The following COL26A1 variants were observed in gnomAD, a reference collection of about 807,000 sequenced individuals.
The protein encoded by COL26A1 is collagen alpha-1(XXVI) chain.
Under a neutral mutation model 59.3 loss-of-function variants are expected in COL26A1, and 41 were observed. The observed-to-expected ratio is 0.69, with a 90% CI of 0.54 to 0.90. The LOEUF (loss-of-function observed/expected upper bound fraction) is 0.90. COL26A1 is among the 40% of genes least tolerant of loss of function. The pLI is 0.00. For missense variants in COL26A1, 612 were observed against 602.3 expected, an observed-to-expected ratio of 1.02 and a Z score of -0.17; for synonymous variants, 266 against 256.0, an observed-to-expected ratio of 1.04 and a Z score of -0.37.
intron 2 of COL26A1, among the ~76,000 whole-genome samples, chr7:101,446,734 C>T (rs1433096719): frequency 2.6e-5 from 4 of 151,926 alleles, no homozygotes; most frequent in Non-Finnish European, 5.9e-5. Context: ...ATAATCTCAG[C>T]TACTCCGGAG....
At chr7:101,492,423 G>T (rs539654762) in intron 3 of COL26A1, among the ~76,000 whole-genome samples, 1 of 151,866 alleles carries the variant, frequency 6.6e-6, no homozygotes, top group African/African-American at 2.4e-5. Context: ...CAGGCCGGGC[G>T]CGGTGGCTCA....
chr7:101,441,327 T>G (rs1457478617), intron 2 of COL26A1, among the ~76,000 whole-genome samples: 2 of 152,214 alleles, frequency 1.3e-5, no homozygotes, highest in Non-Finnish European at 2.9e-5. Context: ...TTATATATTT[T>G]TTAAGACAGA....
At chr7:101,472,853 G>A (rs150568183) in intron 3 of COL26A1, among the ~76,000 whole-genome samples, 1 of 151,984 alleles carries the variant, frequency 6.6e-6, no homozygotes, top group African/African-American at 2.4e-5. Context: ...TTGTCTCTGG[G>A]TCTCCTGTTC....
At chr7:101,442,486 A>C (rs1171214523) in intron 2 of COL26A1, among the ~76,000 whole-genome samples, 2 of 152,172 alleles carry the variant, frequency 1.3e-5, no homozygotes, top group African/African-American at 2.4e-5. Flanking sequence ...ATGGCATAGA[A>C]ACATATTTGG....
chr7:101,479,420 T>C (rs1794112217), intron 3 of COL26A1, among the ~76,000 whole-genome samples: 1 of 152,242 alleles, frequency 6.6e-6, no homozygotes, highest in Non-Finnish European at 1.5e-5. Flanking sequence ...TTGACAGTTA[T>C]ATTTCCTCTG....
At position 101,545,441 on chromosome 7, in the gene COL26A1, C is replaced by A; in HGVS notation, c.807C>A (p.Asn269Lys). ...GPAGNPGPSP[N>K]SPQGALYSLQ... Reference sequence around the variant, plus strand: ...CAGGCAACCCAGGCCCCTCACCAAACAGCCCCCAGGGCGCCCTCTACTCCC... The same window carrying A: ...CAGGCAACCCAGGCCCCTCACCAAAAAGCCCCCAGGGCGCCCTCTACTCCC... The change falls in exon 7 of 13, where the codon AAC becomes AAA. Residue 269 changes from asparagine to lysine, a missense_variant. Physicochemically the swap from Asn to Lys is moderately conservative, Grantham distance 94 (BLOSUM62 0). Coordinates refer to ENST00000313669, the MANE Select transcript of COL26A1 (RefSeq NM_001278563.3). 1 of 1,608,560 alleles carries A rather than the reference C, an allele frequency of 6.2e-7. No individual in the cohort carries two copies. The highest frequency in any genetic ancestry group is 8.5e-7 in the Non-Finnish European group (1 of 1,177,964).
intron 1 of COL26A1, among the ~76,000 whole-genome samples, chr7:101,379,800 A>G (rs780863497): frequency 2.0e-5 from 3 of 152,208 alleles, no homozygotes; most frequent in Non-Finnish European, 4.4e-5. Context: ...CACTCCCACC[A>G]GCGCCATAAC....
intron 2 of COL26A1, among the ~76,000 whole-genome samples, chr7:101,426,117 G>T (rs563170921): frequency 6.6e-6 from 1 of 152,086 alleles, no homozygotes; most frequent in Admixed American, 6.6e-5. Flanking sequence ...GAGCTGCTGC[G>T]TCAGGCCAGC....
intron 1 of COL26A1, among the ~76,000 whole-genome samples, chr7:101,404,440 C>A (rs57715150): frequency 8.6e-5 from 13 of 151,916 alleles, no homozygotes; most frequent in East Asian, 1.9e-4. Flanking sequence ...ACCCTCCCCC[C>A]CCAAATGGCT....
chr7:101,445,484 C>T (rs923491348), intron 2 of COL26A1, among the ~76,000 whole-genome samples: 3 of 151,580 alleles, frequency 2.0e-5, no homozygotes, highest in Non-Finnish European at 1.5e-5. Context: ...GTAATCCCAG[C>T]ACTTTGGGAG....
At chr7:101,530,413 A>G (rs1260919276) in intron 3 of COL26A1, among the ~76,000 whole-genome samples, 1 of 151,728 alleles carries the variant, frequency 6.6e-6, no homozygotes, top group African/African-American at 2.4e-5. Context: ...TACTAAAAAT[A>G]CACAACTAGC....
At chr7:101,528,702 C>A (rs1471726040) in intron 3 of COL26A1, among the ~76,000 whole-genome samples, 1 of 152,044 alleles carries the variant, frequency 6.6e-6, no homozygotes, top group Non-Finnish European at 1.5e-5. Context: ...CACGCACCAC[C>A]ATGCCTGGCT....
chr7:101,521,312 A>T (rs1477856634), intron 3 of COL26A1, among the ~76,000 whole-genome samples: 1 of 152,206 alleles, frequency 6.6e-6, no homozygotes, highest in Non-Finnish European at 1.5e-5. Context: ...GAGCCAAACC[A>T]TATTACCCTA....
At chr7:101,551,033 A>AG (rs1351486729) in intron 9 of COL26A1, 75 bp from the exon 10 acceptor site, 3 of 1,438,522 alleles carry the variant, frequency 2.1e-6, no homozygotes, top group Middle Eastern at 3.5e-4. Context: ...GTGGGCGGGG[A>AG]GGGGGGTGGC....
At chr7:101,401,834 C>G (rs1035620813) in intron 1 of COL26A1, among the ~76,000 whole-genome samples, 1 of 151,978 alleles carries the variant, frequency 6.6e-6, no homozygotes, top group Admixed American at 6.6e-5. Flanking sequence ...CCAACTGGGC[C>G]CCAACCCAGG....
Position 101,533,205 on chromosome 7 carries a change from A to T in COL26A1, c.447+62A>T, listed in dbSNP as rs567231388. The T allele has an allele frequency of 2.1e-5, 26 of 1,253,100 alleles. No individual in the cohort carries two copies. In the East Asian group the frequency reaches 6.0e-4, roughly 29 times the overall value. 77.6% of individuals were successfully genotyped at this position (1,253,100 alleles called of 1,614,324 possible). A position where few individuals can be genotyped will look rare whatever the true frequency, so the allele number is the denominator to read the frequency against. On this transcript the variant is annotated intron_variant, in intron 4 of 12. Coordinates refer to ENST00000313669, the MANE Select transcript of COL26A1 (RefSeq NM_001278563.3). Reference sequence around the variant, plus strand: ...CCTGGGGACCTTGGGTGGTGGAGGGAGGCATCAGGCAACCACTGGGTGTGG... The same window carrying T: ...CCTGGGGACCTTGGGTGGTGGAGGGTGGCATCAGGCAACCACTGGGTGTGG...
intron 3 of COL26A1, among the ~76,000 whole-genome samples, chr7:101,528,573 G>T (rs1341578594): frequency 1.3e-5 from 2 of 151,106 alleles, no homozygotes; most frequent in Non-Finnish European, 2.9e-5. Flanking sequence ...TCTCTGACAG[G>T]GTCTGGCTCT....
Position 101,535,914 on chromosome 7 carries a change from C to A in COL26A1, c.447+2771C>A, listed in dbSNP as rs115298973. On this transcript the variant is annotated intron_variant, in intron 4 of 12. Coordinates refer to ENST00000313669, the MANE Select transcript of COL26A1 (RefSeq NM_001278563.3). Reference sequence around the variant, plus strand: ...CCCCCGTCCTTTTGACAGTTGTCTGCATTTCTAAGTAGGGGCTGGGAGACT... The same window carrying A: ...CCCCCGTCCTTTTGACAGTTGTCTGAATTTCTAAGTAGGGGCTGGGAGACT... Among the ~76,000 whole-genome samples, 1,305 of 152,268 alleles carry A rather than the reference C, an allele frequency of 8.6e-3. 21 individuals are homozygous for A. Among genetic ancestry groups the A allele is most frequent in the African/African-American group, 0.03 (1,261 of 41,560 alleles).
In COL26A1 at chr7:101,412,103, G is replaced by A. The variant is rs1021809072; in HGVS notation, c.159-7874G>A. ...CCTGAGGCTGGGGTAGAGGTGGTGA[G>A]GTAGGAGGTGGAACTTGACTCCAGG... is the stretch of plus-strand genomic sequence containing the variant. On this transcript the variant is annotated intron_variant, in intron 1 of 12. Transcript: ENST00000313669. 8.5e-5 allele frequency among the ~76,000 whole-genome samples: 13 copies of A among 152,218 alleles called. 1 individual carries two copies. The highest frequency in any genetic ancestry group is 2.1e-4 in the South Asian group (1 of 4,818).
Sources: gnomAD v4.1 joint callset for allele counts (sites outside exome capture counted in the v4.1 genomes callset) on GRCh38, gnomAD v4.1.1 for gene constraint, MANE v1.5 for transcripts, NCBI Gene and HGNC (gene_info 2026-07-23, HGNC 2026-07-21) for gene names.